Variants in GLMN observed in about 807,000 individuals in gnomAD.
The protein encoded by GLMN is glomulin.
Under a neutral mutation model 87.8 loss-of-function variants are expected in GLMN, and 75 were observed. That is an observed-to-expected ratio of 0.85 (90% confidence interval 0.71 to 1.04). The LOEUF is 1.04. Ranked by LOEUF, GLMN falls within the 50% of genes least tolerant of loss-of-function variation. The pLI is 0.00. For missense variants in GLMN, 588 were observed against 658.8 expected (o/e 0.89, Z 1.18); for synonymous variants, 206 against 221.6 (o/e 0.93, Z 0.63).
intron 16 of GLMN, among the ~76,000 whole-genome samples, chr1:92,255,945 C>A (rs1330387751): frequency 4.0e-5 from 6 of 151,830 alleles, no homozygotes; most frequent in Non-Finnish European, 5.9e-5. Context: ...CGCAAAAAAC[C>A]CTTCAAAAAA....
At chr1:92,252,674 A>AT (rs1438835867) in intron 16 of GLMN, among the ~76,000 whole-genome samples, 1 of 152,104 alleles carries the variant, frequency 6.6e-6, no homozygotes, top group Non-Finnish European at 1.5e-5. Flanking sequence ...GAATAAGAAT[A>AT]TTTTTTCTCT....
At chr1:92,251,767 A>T (rs1335731434) in intron 16 of GLMN, among the ~76,000 whole-genome samples, 1 of 150,618 alleles carries the variant, frequency 6.6e-6, no homozygotes, top group African/African-American at 2.5e-5. Flanking sequence ...TTTGTAATGG[A>T]AATTCTTTTA....
chr1:92,275,605 C>T (rs1647220641), intron 7 of GLMN, among the ~76,000 whole-genome samples: 2 of 152,174 alleles, frequency 1.3e-5, no homozygotes, highest in African/African-American at 4.8e-5. Flanking sequence ...TTACACTAGT[C>T]ATCTCCTTTT....
At chr1:92,271,903 G>A (rs1557538891) in intron 7 of GLMN, among the ~76,000 whole-genome samples, 1 of 152,164 alleles carries the variant, frequency 6.6e-6, no homozygotes, top group Non-Finnish European at 1.5e-5. Flanking sequence ...TTTTGAGTTG[G>A]GTGGCCCTAA....
the GLMN span, among the ~76,000 whole-genome samples, chr1:92,309,314 T>C: frequency 1.3e-5 from 2 of 151,252 alleles, no homozygotes; most frequent in Non-Finnish European, 3.0e-5. Context: ...TGGTGACACA[T>C]GCCTGTAGTC....
Position 92,282,644 on chromosome 1 carries a change from T to C in GLMN, c.735+3846A>G, listed in dbSNP as rs539526397. On this transcript the variant is annotated intron_variant, in intron 7 of 18. Transcript: ENST00000370360. ...AAGATCAGGGCAGAACTGAAGGAGA[T>C]AGAGACACAAAAAACCCTTCAAAAA... Among the ~76,000 whole-genome samples, 197 of 152,032 alleles carry C rather than the reference T, an allele frequency of 1.3e-3. 1 individual carries two copies. Among genetic ancestry groups the C allele is most frequent in the African/African-American group, 4.2e-3 (176 of 41,478 alleles).
the GLMN span, chr1:92,333,610 C>A: frequency 3.0e-6 from 2 of 660,670 alleles, no homozygotes; most frequent in Non-Finnish European, 5.1e-6. Flanking sequence ...GATTTCTTCA[C>A]TTAAGAAATT....
chr1:92,293,872 C>T (rs1004231399), intron 3 of GLMN, among the ~76,000 whole-genome samples: 9 of 151,948 alleles, frequency 5.9e-5, no homozygotes, highest in South Asian at 4.1e-4. Context: ...AAACATTGAA[C>T]GTTCTCACTT....
chr1:92,334,743 T>C, the GLMN span, among the ~76,000 whole-genome samples: 12 of 152,116 alleles, frequency 7.9e-5, no homozygotes, highest in Non-Finnish European at 1.2e-4. Flanking sequence ...TCCCAGCACT[T>C]TGGGAGTCTG....
chr1:92,369,413 G>A, the GLMN span, among the ~76,000 whole-genome samples: 8 of 152,058 alleles, frequency 5.3e-5, no homozygotes, highest in Non-Finnish European at 1.0e-4. Context: ...TGTGGGAACC[G>A]ATCCTCCCAC....
chr1:92,303,888 T>TGA (rs1651030233), upstream of GLMN: 2 of 815,840 alleles, frequency 2.5e-6, no homozygotes, highest in African/African-American at 1.8e-5. Context: ...TATCCCTGTG[T>TGA]TTTCAGATAA....
the GLMN span, among the ~76,000 whole-genome samples, chr1:92,310,796 C>CT: frequency 1.3e-5 from 2 of 152,084 alleles, no homozygotes; most frequent in South Asian, 4.2e-4. Flanking sequence ...ACTTGGGAGG[C>CT]TGAGTAAGAA....
chr1:92,362,400 T>C, the GLMN span, among the ~76,000 whole-genome samples: 10 of 152,350 alleles, frequency 6.6e-5, no homozygotes, highest in Non-Finnish European at 1.2e-4. Flanking sequence ...TACAAAGTTT[T>C]AAAGCAGATT....
intron 16 of GLMN, among the ~76,000 whole-genome samples, chr1:92,254,946 A>G (rs556192964): frequency 6.6e-6 from 1 of 152,372 alleles, no homozygotes; most frequent in African/African-American, 2.4e-5. Flanking sequence ...TGCCCCAATT[A>G]AAAAGCACAG....
At chr1:92,359,360 C>T in the GLMN span, among the ~76,000 whole-genome samples, 1 of 152,178 alleles carries the variant, frequency 6.6e-6, no homozygotes, top group Non-Finnish European at 1.5e-5. Flanking sequence ...GCTCTTGTTG[C>T]CCAAGCTGGA....
At chr1:92,302,848 C>T (rs1378118947), upstream of GLMN, among the ~76,000 whole-genome samples, 4 of 151,706 alleles carry the variant, frequency 2.6e-5, no homozygotes, top group South Asian at 2.1e-4. Flanking sequence ...GATCCGCCCG[C>T]GTCGGCCTCC....
At chr1:92,302,252 G>A (rs1650902906), upstream of GLMN, among the ~76,000 whole-genome samples, 1 of 151,484 alleles carries the variant, frequency 6.6e-6, no homozygotes, top group Non-Finnish European at 1.5e-5. Flanking sequence ...ACTCCAGTCT[G>A]GGCAACAAGA....
chr1:92,354,889 A>AT, the GLMN span, among the ~76,000 whole-genome samples: 399 of 147,256 alleles, frequency 2.7e-3, 3 homozygotes, highest in African/African-American at 9.1e-3. Flanking sequence ...TAATTTATGT[A>AT]AATTATTATT....
the GLMN span, among the ~76,000 whole-genome samples, chr1:92,364,589 A>T: frequency 6.6e-5 from 10 of 152,136 alleles, no homozygotes; most frequent in Admixed American, 6.6e-4. Flanking sequence ...TTGCCTTTCA[A>T]ATGGCCCCTT....
Sources: gnomAD v4.1 joint callset for allele counts (sites outside exome capture counted in the v4.1 genomes callset) on GRCh38, gnomAD v4.1.1 for gene constraint, MANE v1.5 for transcripts, NCBI Gene and HGNC (gene_info 2026-07-23, HGNC 2026-07-21) for gene names.